Variants in DENND3 observed in about 807,000 individuals in gnomAD.
DENND3 encodes the protein DENN domain containing 3, also known as DENN domain-containing protein 3.
A neutral mutation model predicts 135.1 loss-of-function variants in DENND3; 88 were observed. That is an observed-to-expected ratio of 0.65 (90% CI 0.55 to 0.78). DENND3 has a LOEUF of 0.78. Ranked by LOEUF, DENND3 falls within the 30% of genes least tolerant of loss-of-function variation. The pLI, the probability that DENND3 is intolerant of heterozygous loss-of-function variation, is 0.00. For synonymous variants in DENND3, 693 were observed against 712.3 expected, an observed-to-expected ratio of 0.97 and a Z score of 0.43; for missense variants, 1,392 against 1,688.4, an observed-to-expected ratio of 0.82 and a Z score of 3.08.
intron 1 of DENND3, among the ~76,000 whole-genome samples, chr8:141,132,241 TATAAAATGCACAAAAAGGC>T (rs1816208797): frequency 1.3e-5 from 2 of 152,222 alleles, no homozygotes; most frequent in African/African-American, 2.4e-5. Context: ...CATTAAAATG[TATAAAATGCACAAAAAGGC>T]ATAAAATGGG....
intron 4 of DENND3, chr8:141,142,154 C>T: frequency 3.0e-6 from 1 of 337,838 alleles, no homozygotes; most frequent in South Asian, 2.2e-5. Flanking sequence ...CCAGTGGGCT[C>T]TCATTATCAA....
Position 141,130,932 on chromosome 8 carries a change from G to A in DENND3, c.102+2123G>A, listed in dbSNP as rs911498290. Among the ~76,000 whole-genome samples the A allele has an allele frequency of 3.9e-5, 6 of 152,062 alleles. No individual in the cohort carries two copies. The highest frequency in any genetic ancestry group is 9.7e-5 in the African/African-American group (4 of 41,402). ...AAACTCCTGACCTCACGATCTGCCC[G>A]CCTCGGCCTCCCAAAGTGTTGGGAT... On this transcript the variant is annotated intron_variant, in intron 1 of 22. Coordinates refer to ENST00000519811, the MANE Select transcript of DENND3 (RefSeq NM_001352890.3). This position sits in a 1 kb window ranked among gnomAD's most constrained non-coding sequence, Gnocchi z 4.2.
intron 22 of DENND3, chr8:141,193,117 G>GT (rs1824997461): frequency 2.5e-5 from 7 of 283,364 alleles, no homozygotes; most frequent in Non-Finnish European, 4.9e-5. Context: ...CTCTCCCTGT[G>GT]TGTGTCTCTT....
intron 18 of DENND3, among the ~76,000 whole-genome samples, chr8:141,188,014 C>G (rs1022140495): frequency 1.2e-4 from 18 of 150,206 alleles, no homozygotes; most frequent in Middle Eastern, 3.4e-3. Context: ...TGGGGAAACC[C>G]TATCTCTACT....
chr8:141,178,278 T>C (rs929899946), intron 16 of DENND3, 82 bp downstream of exon 16: 18 of 1,531,700 alleles, frequency 1.2e-5, no homozygotes, highest in Middle Eastern at 3.5e-4. Flanking sequence ...GTCTGTTTTA[T>C]CAAGTAGAAC....
At chr8:141,159,824 TC>T (rs1038033092) in intron 8 of DENND3, among the ~76,000 whole-genome samples, 2 of 152,216 alleles carry the variant, frequency 1.3e-5, no homozygotes, top group Admixed American at 6.5e-5. Context: ...TGAGTTCCTG[TC>T]CCTGAGTGAG....
chr8:141,158,340 C>T, intron 8 of DENND3: 1 of 1,238,032 alleles, frequency 8.1e-7, no homozygotes, highest in Non-Finnish European at 1.0e-6. Flanking sequence ...TGTAATAGAA[C>T]TGAGCTTTGT....
At chr8:141,156,104 A>G in intron 8 of DENND3, 134 bp downstream of exon 8, 1 of 1,278,106 alleles carries the variant, frequency 7.8e-7, no homozygotes, top group South Asian at 1.9e-5. Context: ...ATTATTTGTG[A>G]ATTTTGTTTT....
intron 22 of DENND3, chr8:141,192,920 T>C: frequency 7.0e-7 from 1 of 1,437,904 alleles, no homozygotes; most frequent in Non-Finnish European, 9.2e-7. Flanking sequence ...AGAACTTAAT[T>C]TTCTCACAGT....
chr8:141,189,176 C>CTGTT (rs1413694222), intron 19 of DENND3, 30 bp downstream of exon 19: 26 of 1,613,640 alleles, frequency 1.6e-5, no homozygotes, highest in Non-Finnish European at 2.1e-5. Context: ...GGAGAAGGGA[C>CTGTT]TGTTTGGCTT....
intron 1 of DENND3, among the ~76,000 whole-genome samples, chr8:141,135,204 C>T (rs1017977308): frequency 2.4e-4 from 35 of 148,822 alleles, no homozygotes; most frequent in African/African-American, 7.2e-4. Flanking sequence ...CAGGCCGGAG[C>T]GCAGTGGTGT....
At chr8:141,153,726 G>A (rs996293918) in intron 7 of DENND3, among the ~76,000 whole-genome samples, 49 of 152,248 alleles carry the variant, frequency 3.2e-4, no homozygotes, top group African/African-American at 1.1e-3. Flanking sequence ...ATCCCGCCTC[G>A]CAGACGAGGA....
In DENND3 at chr8:141,140,364, G is replaced by A. The variant is rs72681535; in HGVS notation, c.502-839G>A. Among the ~76,000 whole-genome samples the A allele has an allele frequency of 5.1e-3, 774 of 152,334 alleles. 3 individuals carry two copies. The highest frequency in any genetic ancestry group is 7.7e-3 in the Non-Finnish European group (523 of 68,034). ...CAGTAGCAGCAGCAGCCACGCGCGC[G>A]TGTGAGCAGCTCAGCACCAGGCATG... On this transcript the variant is annotated intron_variant, in intron 3 of 22. Coordinates refer to ENST00000519811, the MANE Select transcript of DENND3 (RefSeq NM_001352890.3).
At chr8:141,176,298 AAAC>A (rs1822357076) in intron 14 of DENND3, 1 of 273,966 alleles carries the variant, frequency 3.7e-6, no homozygotes, top group Non-Finnish European at 6.8e-6. Context: ...AAAAAAAAAA[AAAC>A]AAAAAGAGGG....
chr8:141,134,886 A>G (rs901256188), intron 1 of DENND3, among the ~76,000 whole-genome samples: 2 of 152,148 alleles, frequency 1.3e-5, no homozygotes, highest in Non-Finnish European at 2.9e-5. Flanking sequence ...GCTGGACTGC[A>G]GTGGTGAGAT....
At position 141,195,753 on chromosome 8, in the gene DENND3, T is replaced by C. The variant is rs1177160937; in HGVS notation, c.*1520T>C. On this transcript the variant is annotated 3_prime_UTR_variant, in exon 23 of 23. Transcript: ENST00000519811. ...ATAAATTATTTAATGCCAGTCCTCA[T>C]GTAACCTCAGGTATCTTCAGCTTGT... 1.3e-5 allele frequency: 2 copies of C among 152,200 alleles called. No homozygotes were observed. Among genetic ancestry groups the C allele is most frequent in the South Asian group, 2.1e-4 (1 of 4,826 alleles). 9.4% of individuals were successfully genotyped at this position (152,200 alleles called of 1,614,324 possible). A position where few individuals can be genotyped will look rare whatever the true frequency, so the allele number is the denominator to read the frequency against.
At chr8:141,143,182 T>G (rs368889772) in intron 4 of DENND3, among the ~76,000 whole-genome samples, 183 of 152,346 alleles carry the variant, frequency 1.2e-3, no homozygotes, top group African/African-American at 4.1e-3. Flanking sequence ...GTTAGTGTGA[T>G]AATATGCAAA....
rs369413944 is a variant in DENND3 at position 141,167,174 on chromosome 8, C to T, written c.1753+785C>T. On this transcript the variant is annotated intron_variant, in intron 12 of 22. Transcript: ENST00000519811. This position sits in a 1 kb window ranked among gnomAD's most constrained non-coding sequence, Gnocchi z 4.1. ...ATCGGCTGAGCGCTGGAGCTCAGAGCGAACATTCTGGAGGCCACTGTGGGG... is the reference window on the plus strand; with the variant it reads ...ATCGGCTGAGCGCTGGAGCTCAGAGTGAACATTCTGGAGGCCACTGTGGGG... Among the ~76,000 whole-genome samples the T allele has an allele frequency of 4.1e-4, 63 of 152,276 alleles. No homozygotes were observed. The highest frequency in any genetic ancestry group is 1.5e-3 in the African/African-American group (61 of 41,556).
Position 141,166,446 on chromosome 8 carries a change from C to T in DENND3, c.1753+57C>T. The stretch of plus-strand genomic sequence containing the variant: ...GTCGGTCCCACCATTCCTGCACCTG[C>T]AAGTCATTGAGCAAAACTGGGACTT... On this transcript the variant is annotated intron_variant, in intron 12 of 22. Coordinates refer to ENST00000519811, the MANE Select transcript of DENND3 (RefSeq NM_001352890.3). The surrounding 1 kb of genome is among the most constrained non-coding windows in gnomAD (Gnocchi z 4.3). The T allele has an allele frequency of 3.2e-6, 5 of 1,540,232 alleles. No homozygotes were observed. The highest frequency in any genetic ancestry group is 4.4e-6 in the Non-Finnish European group (5 of 1,143,534).
Sources: gnomAD v4.1 joint callset for allele counts (sites outside exome capture counted in the v4.1 genomes callset) on GRCh38, gnomAD v4.1.1 for gene constraint, Gnocchi (gnomAD v3.1) non-coding constraint, MANE v1.5 for transcripts, NCBI Gene and HGNC (gene_info 2026-07-23, HGNC 2026-07-21) for gene names.